CWC27: variants seen among roughly 807,000 people sequenced by gnomAD.
CWC27 encodes the protein spliceosome-associated protein CWC27 homolog.
In CWC27, 47 loss-of-function variants were observed where a neutral mutation model predicts 63.6. The observed-to-expected ratio is 0.74, with a 90% CI of 0.58 to 0.94. CWC27 has a LOEUF of 0.94. Ranked by LOEUF, CWC27 falls within the 40% of genes least tolerant of loss-of-function variation. The pLI is 0.00. For missense variants in CWC27, 495 were observed against 554.3 expected (o/e 0.89, Z 1.07); for synonymous variants, 175 against 179.8 (o/e 0.97, Z 0.22).
intron 10 of CWC27, among the ~76,000 whole-genome samples, chr5:64,855,179 G>T (rs116358459): frequency 6.6e-6 from 1 of 152,114 alleles, no homozygotes; most frequent in East Asian, 1.9e-4. Context: ...TGTTGAAAAA[G>T]AGATGTTGTT....
chr5:64,980,845 A>G (rs890339784), intron 13 of CWC27, among the ~76,000 whole-genome samples: 1 of 152,184 alleles, frequency 6.6e-6, no homozygotes, highest in Non-Finnish European at 1.5e-5. Context: ...TAATCTCAGC[A>G]CTTTGGGAGG....
intron 10 of CWC27, among the ~76,000 whole-genome samples, chr5:64,805,801 T>TA (rs1285364814): frequency 6.6e-6 from 1 of 152,114 alleles, no homozygotes; most frequent in African/African-American, 2.4e-5. Flanking sequence ...TAAGTGTCTT[T>TA]AAAAAATTGT....
chr5:64,992,245 T>A (rs1451408224), intron 13 of CWC27, among the ~76,000 whole-genome samples: 2 of 152,236 alleles, frequency 1.3e-5, no homozygotes, highest in African/African-American at 4.8e-5. Flanking sequence ...TTAGCACTAT[T>A]TCCATGTGAT....
intron 11 of CWC27, among the ~76,000 whole-genome samples, chr5:64,970,434 G>T (rs902011209): frequency 6.6e-6 from 1 of 151,784 alleles, no homozygotes; most frequent in Non-Finnish European, 1.5e-5. Context: ...GGATGGTCTC[G>T]ATCTTCTGAC....
At chr5:64,911,841 G>T (rs1226832560) in intron 11 of CWC27, among the ~76,000 whole-genome samples, 1 of 152,078 alleles carries the variant, frequency 6.6e-6, no homozygotes, top group African/African-American at 2.4e-5. Context: ...TTGGGAGGCC[G>T]AGGTGGGCGG....
chr5:64,979,432 T>C (rs1375585598), intron 13 of CWC27, among the ~76,000 whole-genome samples: 1 of 152,224 alleles, frequency 6.6e-6, no homozygotes, highest in Non-Finnish European at 1.5e-5. Flanking sequence ...ATAGGGCCCT[T>C]ATGTAATGCC....
At chr5:64,885,626 G>A (rs1019782571) in intron 11 of CWC27, 80 bp downstream of exon 11, 31 of 982,344 alleles carry the variant, frequency 3.2e-5, no homozygotes, top group East Asian at 1.4e-4. Flanking sequence ...GCCCGCTCCC[G>A]TATTCATCCC....
rs116837389 is a variant in CWC27 at position 64,964,102 on chromosome 5, C to T, written c.1043-7601C>T. 4.1e-3 allele frequency among the ~76,000 whole-genome samples: 618 copies of T among 152,300 alleles called. 2 individuals are homozygous for T. The highest frequency in any genetic ancestry group is 0.014 in the African/African-American group (577 of 41,558). ...AGTTGGCTGGATTGGATCAGTCTTT[C>T]TGAGCTCAATTTTATTATTGTAATT... On this transcript the variant is annotated intron_variant, in intron 11 of 13. Transcript: ENST00000381070.
chr5:64,993,456 C>G (rs1377067341), intron 13 of CWC27, among the ~76,000 whole-genome samples: 1 of 151,642 alleles, frequency 6.6e-6, no homozygotes, highest in Non-Finnish European at 1.5e-5. Context: ...GTTTTATAAG[C>G]TGTTAAGAAA....
chr5:64,925,386 T>C (rs1748085608), intron 11 of CWC27, among the ~76,000 whole-genome samples: 2 of 152,204 alleles, frequency 1.3e-5, no homozygotes, highest in South Asian at 4.1e-4. Flanking sequence ...TGCTTTCCCT[T>C]TCATGGGTTT....
intron 7 of CWC27, 144 bp from the exon 8 acceptor site, chr5:64,800,104 C>G: frequency 2.1e-6 from 1 of 475,292 alleles, no homozygotes; most frequent in East Asian, 3.5e-5. Context: ...ACTTATAAAA[C>G]TTTAGTTTGT....
At chr5:64,956,802 G>A (rs965771214) in intron 11 of CWC27, among the ~76,000 whole-genome samples, 37 of 152,076 alleles carry the variant, frequency 2.4e-4, no homozygotes, top group African/African-American at 8.2e-4. Context: ...TCATTTATTA[G>A]CCATATAAAC....
At chr5:64,870,482 TAA>T (rs372653084) in intron 10 of CWC27, among the ~76,000 whole-genome samples, 912 of 48,294 alleles carry the variant, frequency 0.019, 9 homozygotes, top group African/African-American at 0.065. Flanking sequence ...TTAAATTGGT[TAA>T]AAAAAAAAAA....
intron 10 of CWC27, among the ~76,000 whole-genome samples, chr5:64,874,784 T>G (rs954816034): frequency 1.6e-4 from 25 of 151,968 alleles, no homozygotes; most frequent in African/African-American, 5.8e-4. Context: ...AACATATGTA[T>G]TTAAAGGTGT....
chr5:64,776,833 C>T (rs114589639), intron 2 of CWC27, among the ~76,000 whole-genome samples: 1,655 of 152,096 alleles, frequency 0.011, 10 homozygotes, highest in Non-Finnish European at 0.015. Flanking sequence ...CAAGTAAGAG[C>T]GCAGTCTCAG....
intron 13 of CWC27, among the ~76,000 whole-genome samples, chr5:64,993,171 G>A (rs187316113): frequency 3.3e-4 from 51 of 152,266 alleles, no homozygotes; most frequent in Admixed American, 2.4e-3. Context: ...CTGACCCTTA[G>A]AGAGTGCTCA....
chr5:64,886,326 T>C (rs190289835), intron 11 of CWC27, among the ~76,000 whole-genome samples: 205 of 152,290 alleles, frequency 1.3e-3, no homozygotes, highest in African/African-American at 4.7e-3. Context: ...CAGTGATAAA[T>C]TGTATTGTCC....
intron 11 of CWC27, among the ~76,000 whole-genome samples, chr5:64,911,787 C>G (rs1157353909): frequency 2.6e-5 from 4 of 152,092 alleles, no homozygotes; most frequent in South Asian, 2.1e-4. Flanking sequence ...TGAAAGTAGA[C>G]AGACCGGCTG....
intron 13 of CWC27, among the ~76,000 whole-genome samples, chr5:65,004,097 G>A (rs574961709): frequency 2.6e-5 from 4 of 152,024 alleles, no homozygotes; most frequent in African/African-American, 4.8e-5. Context: ...TGCCTGCCTC[G>A]GCCTCCCAAA....
Sources: allele counts gnomAD v4.1 joint callset (sites outside exome capture counted in the v4.1 genomes callset), GRCh38; gene constraint gnomAD v4.1.1; transcripts MANE v1.5; gene names NCBI Gene and HGNC (gene_info 2026-07-23, HGNC 2026-07-21).